Variants in MED24 observed in about 807,000 individuals in gnomAD.
MED24 encodes mediator complex subunit 24.
In MED24, 74 loss-of-function variants were observed where a neutral mutation model predicts 118.8. The ratio of observed to expected loss-of-function variants is 0.62; its 90% CI spans 0.52 to 0.76. The LOEUF is 0.76. Ranked by LOEUF, MED24 falls within the 30% of genes least tolerant of loss-of-function variation. MED24 has a pLI of 0.00. For synonymous variants in MED24, 521 were observed against 523.9 expected, an observed-to-expected ratio of 0.99 and a Z score of 0.08; for missense variants, 1,041 against 1,278.9, an observed-to-expected ratio of 0.81 and a Z score of 2.84.
At chr17:40,048,963 G>A (rs1390308188) in intron 3 of MED24, among the ~76,000 whole-genome samples, 2 of 152,086 alleles carry the variant, frequency 1.3e-5, no homozygotes, top group African/African-American at 2.4e-5. Flanking sequence ...GTCGGGTGCA[G>A]CTTGGTTTTA....
At chr17:40,031,098 C>G in intron 12 of MED24, 61 bp downstream of exon 12, 5 of 1,487,658 alleles carry the variant, frequency 3.4e-6, no homozygotes, top group Non-Finnish European at 4.6e-6. Context: ...CGCAGCAGCC[C>G]CACCGTAACA....
At chr17:40,044,574 C>T (rs939368356) in intron 3 of MED24, among the ~76,000 whole-genome samples, 1 of 149,864 alleles carries the variant, frequency 6.7e-6, no homozygotes, top group Non-Finnish European at 1.5e-5. Flanking sequence ...AATTATTTGC[C>T]TCTGGAAAAA....
In MED24 at chr17:40,020,405, G is replaced by A. The variant is rs1981826040; in HGVS notation, c.2624-52C>T. The A allele has an allele frequency of 2.6e-6, 4 of 1,558,176 alleles. No individual in the cohort carries two copies. The South Asian group carries it at 4.7e-5, about 18-fold the overall frequency. Reference sequence around the variant, plus strand: ...GGGAAACAGCCTGCCGAGTGCAAAAGTGGTGCTCCCCGGGGATGCCCCAAC... The same window carrying A: ...GGGAAACAGCCTGCCGAGTGCAAAAATGGTGCTCCCCGGGGATGCCCCAAC... On this transcript the variant is annotated intron_variant, in intron 23 of 25. Coordinates refer to ENST00000394128, the MANE Select transcript of MED24 (RefSeq NM_014815.4).
At chr17:40,051,136 CAAA>C (rs1224890104) in intron 3 of MED24, among the ~76,000 whole-genome samples, 13 of 81,740 alleles carry the variant, frequency 1.6e-4, no homozygotes, top group Non-Finnish European at 2.1e-4. Context: ...GACTCTGTCT[CAAA>C]AAAAAAAAAA....
chr17:40,027,182 G>A (rs1364469019), intron 16 of MED24, 148 bp from the exon 17 acceptor site: 3 of 1,136,436 alleles, frequency 2.6e-6, no homozygotes, highest in Non-Finnish European at 3.8e-6. Flanking sequence ...AGCCAGACGG[G>A]GGCAATGCTG....
At chr17:40,048,036 C>T (rs1465173702) in intron 3 of MED24, among the ~76,000 whole-genome samples, 1 of 152,244 alleles carries the variant, frequency 6.6e-6, no homozygotes, top group African/African-American at 2.4e-5. Flanking sequence ...AGCGCAAGAT[C>T]TTTGTATGTT....
chr17:40,032,620 T>C (rs1269738370), intron 9 of MED24, 29 bp downstream of exon 9: 1 of 1,565,384 alleles, frequency 6.4e-7, no homozygotes, highest in South Asian at 1.1e-5. Context: ...ATTCCTAGAC[T>C]GGCTCTGCCC....
chr17:40,031,862 G>A (rs1352111017), intron 10 of MED24, among the ~76,000 whole-genome samples, 181 bp downstream of exon 10: 2 of 146,020 alleles, frequency 1.4e-5, no homozygotes, highest in Non-Finnish European at 3.1e-5. Flanking sequence ...TGAAGCACAC[G>A]CACATGCTGA....
In MED24 at chr17:40,026,916, T is replaced by G. The variant is rs767673387; in HGVS notation, c.1649A>C (p.Asp550Ala). Residue 550 changes from aspartate to alanine, a missense_variant, in exon 17 of 26, where the codon GAC becomes GCC. Asp to Ala is a moderately radical substitution (Grantham distance 126). Transcript: ENST00000394128. ...LNPDHPCFRP[D>A]STKVESLVAL... is the part of the protein sequence containing the mutation. ...CACCAGGGACTCCACTTTGGTGGAG[T>G]CGGGGCGGAAGCAGGGGTGGTCAGG... 2.5e-6 allele frequency: 4 copies of G among 1,613,756 alleles called. No individual in the cohort carries two copies. The South Asian group carries it at 3.3e-5, about 13-fold the overall frequency.
chr17:40,022,130 T>C, intron 22 of MED24, 76 bp from the exon 23 acceptor site: 3 of 1,227,066 alleles, frequency 2.4e-6, no homozygotes, highest in Non-Finnish European at 2.3e-6. Context: ...GAGCTTGAGC[T>C]CCGATTTGAG....
chr17:40,054,002 T>G (rs1249466008), intron 1 of MED24: 2 of 320,664 alleles, frequency 6.2e-6, no homozygotes, highest in African/African-American at 2.1e-5. Context: ...TGGTGGTGCA[T>G]GCCTGTAATC....
chr17:40,054,120 CA>C, intron 1 of MED24: 1 of 192,208 alleles, frequency 5.2e-6, no homozygotes, highest in Non-Finnish European at 1.1e-5. Flanking sequence ...GCAACAAGAG[CA>C]AAACTCCGTC....
At chr17:40,035,427 C>T in intron 5 of MED24, 78 bp from the exon 6 acceptor site, 1 of 1,399,002 alleles carries the variant, frequency 7.1e-7, no homozygotes, top group Non-Finnish European at 9.6e-7. Flanking sequence ...CCCCAGAGTC[C>T]CTGGCACTCC....
At position 40,023,059 on chromosome 17, in the gene MED24, G is replaced by A. The variant is rs914128250; in HGVS notation, c.2250+72C>T. 7 of 1,545,968 alleles carry A rather than the reference G, an allele frequency of 4.5e-6. No homozygotes were observed. In the East Asian group the frequency reaches 9.0e-5, roughly 20 times the overall value. On this transcript the variant is annotated intron_variant, in intron 20 of 25. Transcript: ENST00000394128. ...CACGGCAGCCTCTCAGGGAAGCCTG[G>A]CAGACCAGGCCAGGTGTGGGGAGCC... is the stretch of plus-strand genomic sequence containing the variant.
rs1568163898 is a variant in MED24, at chr17:40,031,535, T to C, written c.1067+3A>G. The C allele has an allele frequency of 1.2e-6, 2 of 1,613,802 alleles. No individual in the cohort carries two copies. The highest frequency in any genetic ancestry group is 1.7e-6 in the Non-Finnish European group (2 of 1,179,702). ...GGGCGGGGGTGACCAGGGGAGCTCA[T>C]ACTTGCAGCGCTGGTCAGCTTTGTC... On this transcript the variant is annotated splice_donor_region_variant and intron_variant, in intron 11 of 25. Coordinates refer to ENST00000394128, the MANE Select transcript of MED24 (RefSeq NM_014815.4).
In MED24 at chr17:40,022,072, C is replaced by T; in HGVS notation, c.2524-18G>A. 6.5e-7 allele frequency: 1 copy of T among 1,537,414 alleles called. No homozygotes were observed. Among genetic ancestry groups the T allele is most frequent in the East Asian group, 2.3e-5 (1 of 44,198 alleles). On this transcript the variant is annotated intron_variant, in intron 22 of 25. Coordinates refer to ENST00000394128, the MANE Select transcript of MED24 (RefSeq NM_014815.4). ...ATATAATCCTAGAGGGAGTGAAAGT[C>T]ACTGTTATACACCCCTAAACCCCCC...
intron 19 of MED24, among the ~76,000 whole-genome samples, chr17:40,025,073 T>G (rs1982484443): frequency 6.6e-6 from 1 of 152,190 alleles, no homozygotes; most frequent in African/African-American, 2.4e-5. Flanking sequence ...AAGGAAGGAA[T>G]TCCTGTCACG....
chr17:40,034,120 C>T (rs906103989), intron 6 of MED24, among the ~76,000 whole-genome samples: 8 of 152,054 alleles, frequency 5.3e-5, no homozygotes, highest in African/African-American at 1.9e-4. Context: ...GTTACAATTC[C>T]AGAGGGTCAA....
intron 19 of MED24, 148 bp downstream of exon 19, chr17:40,026,008 A>T (rs960128323): frequency 7.7e-6 from 6 of 778,122 alleles, no homozygotes; most frequent in Admixed American, 5.4e-5. Flanking sequence ...TTGCTGAGTC[A>T]GATGAGTGAA....
Sources: gnomAD v4.1 joint callset for allele counts (sites outside exome capture counted in the v4.1 genomes callset) on GRCh38, gnomAD v4.1.1 for gene constraint, MANE v1.5 for transcripts, NCBI Gene and HGNC (gene_info 2026-07-23, HGNC 2026-07-21) for gene names.